Variants in PRKCH observed in about 807,000 individuals in gnomAD.
PRKCH encodes the protein protein kinase C eta type.
PRKCH carries 28 observed loss-of-function variants against 82.5 expected under a neutral mutation model. The observed-to-expected ratio is 0.34, with a 90% CI of 0.25 to 0.47. The LOEUF is 0.47. Ranked by LOEUF, PRKCH falls within the 20% of genes least tolerant of loss-of-function variation. The pLI, the probability that PRKCH is intolerant of heterozygous loss-of-function variation, is 1.00. For missense variants in PRKCH, 705 were observed against 881.8 expected (o/e 0.80, Z 2.54); for synonymous variants, 322 against 327.4 (o/e 0.98, Z 0.18).
At chr14:61,521,590 T>G (rs764511812) in intron 10 of PRKCH, among the ~76,000 whole-genome samples, 7 of 151,844 alleles carry the variant, frequency 4.6e-5, no homozygotes, top group Non-Finnish European at 7.4e-5. Flanking sequence ...TTTTTTAAGA[T>G]AGAGTTTCAC....
intron 12 of PRKCH, among the ~76,000 whole-genome samples, chr14:61,532,711 T>C (rs1462678551): frequency 6.6e-6 from 1 of 152,224 alleles, no homozygotes; most frequent in Non-Finnish European, 1.5e-5. Flanking sequence ...TAAATATGGA[T>C]ATTTTTGGTA....
At chr14:61,197,141 C>T (rs939039452) in intron 1 of PRKCH, among the ~76,000 whole-genome samples, 1 of 152,188 alleles carries the variant, frequency 6.6e-6, no homozygotes, top group Admixed American at 6.5e-5. Flanking sequence ...AGCTTAAGGT[C>T]CCTATACAAA....
At chr14:61,467,898 C>T (rs980630948) in intron 9 of PRKCH, among the ~76,000 whole-genome samples, 5 of 152,158 alleles carry the variant, frequency 3.3e-5, no homozygotes, top group African/African-American at 1.2e-4. Context: ...GAGTATCATC[C>T]TCATTTTAAA....
At chr14:61,453,081 T>G in intron 6 of PRKCH, 145 bp from the exon 7 acceptor site, 9 of 1,002,796 alleles carry the variant, frequency 9.0e-6, no homozygotes, top group Non-Finnish European at 1.3e-5. Flanking sequence ...ATTACTAGTG[T>G]GAGCTTAATT....
intron 2 of PRKCH, among the ~76,000 whole-genome samples, chr14:61,432,576 C>G (rs1280487212): frequency 6.6e-6 from 1 of 152,178 alleles, no homozygotes; most frequent in Non-Finnish European, 1.5e-5. Flanking sequence ...TTCAAGCAGT[C>G]CTCCTGCCTT....
At chr14:61,401,162 C>A (rs1265623330) in intron 2 of PRKCH, among the ~76,000 whole-genome samples, 1 of 152,172 alleles carries the variant, frequency 6.6e-6, no homozygotes, top group Non-Finnish European at 1.5e-5. Flanking sequence ...AGACATCAGG[C>A]ATGGATGGGC....
intron 1 of PRKCH, among the ~76,000 whole-genome samples, chr14:61,238,616 C>T (rs1324832450): frequency 1.3e-5 from 2 of 152,160 alleles, no homozygotes; most frequent in African/African-American, 4.8e-5. Flanking sequence ...CCACCTTGCT[C>T]AGACAAATCC....
At chr14:61,337,103 G>C (rs1340340332) in intron 1 of PRKCH, among the ~76,000 whole-genome samples, 15 of 139,204 alleles carry the variant, frequency 1.1e-4, no homozygotes, top group Non-Finnish European at 4.6e-5. Context: ...TACATCGTTT[G>C]AATATGGATT....
In PRKCH at chr14:61,334,748, T is replaced by C. The variant is rs149554931; in HGVS notation, c.363+12284T>C. On this transcript the variant is annotated intron_variant, in intron 1 of 13. Coordinates refer to ENST00000332981, the MANE Select transcript of PRKCH (RefSeq NM_006255.5). ...ATTAGTTTTTTCTTTTGGAAAATGGTGCTAATGTTTGCTACCTTATAGGCT... is the reference window on the plus strand; with the variant it reads ...ATTAGTTTTTTCTTTTGGAAAATGGCGCTAATGTTTGCTACCTTATAGGCT... Among the ~76,000 whole-genome samples the C allele has an allele frequency of 2.0e-5, 3 of 152,326 alleles. No homozygotes were observed. In the East Asian group the frequency reaches 5.8e-4, roughly 29 times the overall value.
chr14:61,295,971 G>A (rs1224733910), intron 1 of PRKCH, among the ~76,000 whole-genome samples: 2 of 152,036 alleles, frequency 1.3e-5, no homozygotes, highest in Admixed American at 1.3e-4. Flanking sequence ...AACATTTGCA[G>A]TTGTGCCTGA....
intron 1 of PRKCH, among the ~76,000 whole-genome samples, chr14:61,340,647 C>T (rs956729508): frequency 9.2e-5 from 14 of 152,170 alleles, no homozygotes; most frequent in Non-Finnish European, 1.8e-4. Context: ...GCATTTCTCA[C>T]CCGAGGAAAC....
Position 61,280,498 on chromosome 14 carries a change from G to A in PRKCH, c.-19+92830G>A, listed in dbSNP as rs373435282. 65 of 1,612,714 alleles carry A rather than the reference G, an allele frequency of 4.0e-5. No homozygotes were observed. The highest frequency in any genetic ancestry group is 5.2e-5 in the Non-Finnish European group (61 of 1,179,598). ...GGGCGCCGTGCCCTGGAAGGCCAACGCCAGGCTGCCGTTGACCAGCGGCGG... is the reference window on the plus strand; with the variant it reads ...GGGCGCCGTGCCCTGGAAGGCCAACACCAGGCTGCCGTTGACCAGCGGCGG... On this transcript the variant is annotated intron_variant, in intron 1 of 3. Coordinates refer to the PRKCH transcript ENST00000555185. This position sits in a 1 kb window ranked among gnomAD's most constrained non-coding sequence, Gnocchi z 5.0.
At chr14:61,491,235 A>G (rs58949832) in intron 10 of PRKCH, among the ~76,000 whole-genome samples, 3,467 of 152,294 alleles carry the variant, frequency 0.023, 132 homozygotes, top group African/African-American at 0.077. Flanking sequence ...TTAGATAAAG[A>G]TGAAAGTAAA....
chr14:61,248,843 C>T (rs924931058), intron 1 of PRKCH, among the ~76,000 whole-genome samples: 1 of 152,006 alleles, frequency 6.6e-6, no homozygotes, highest in Non-Finnish European at 1.5e-5. Context: ...CACACTGTTG[C>T]CCAGGCTGAG....
intron 4 of PRKCH, among the ~76,000 whole-genome samples, chr14:61,448,210 A>AACATACC (rs1884319297): frequency 1.3e-5 from 2 of 152,296 alleles, no homozygotes; most frequent in East Asian, 3.9e-4. Context: ...GTATGATGCT[A>AACATACC]TTTACTGACA....
At position 61,457,374 on chromosome 14, in the gene PRKCH, G is replaced by T. The variant is rs2296276; in HGVS notation, c.1104+55G>T. 0.043 allele frequency: 68,075 copies of T among 1,574,364 alleles called. 8,611 individuals are homozygous for T. The African/African-American group carries it at 0.48, about 11-fold the overall frequency. Reference sequence around the variant, plus strand: ...AAGTAAGTGTGCTCTGTGTATGGGGGGTGTGTGTGTGTGTGCACGCATGCG... The same window carrying T: ...AAGTAAGTGTGCTCTGTGTATGGGGTGTGTGTGTGTGTGTGCACGCATGCG... On this transcript the variant is annotated intron_variant, in intron 8 of 13. Transcript: ENST00000332981.
At chr14:61,327,945 T>C (rs1265994862) in intron 1 of PRKCH, among the ~76,000 whole-genome samples, 1 of 152,196 alleles carries the variant, frequency 6.6e-6, no homozygotes, top group Non-Finnish European at 1.5e-5. Flanking sequence ...GACATACCAA[T>C]ATGTGCTTGA....
In PRKCH at chr14:61,424,472, T is replaced by A. The variant is rs7154500; in HGVS notation, c.428-18639T>A. ...ATGGAGATGAGGAACTTCTTGGGAATTGGAGTAAAGGTGACTCTTGCTATG... is the reference window on the plus strand; with the variant it reads ...ATGGAGATGAGGAACTTCTTGGGAAATGGAGTAAAGGTGACTCTTGCTATG... On this transcript the variant is annotated intron_variant, in intron 2 of 13. Transcript: ENST00000332981. Among the ~76,000 whole-genome samples, 134 of 152,186 alleles carry A rather than the reference T, an allele frequency of 8.8e-4. 1 individual carries two copies. The South Asian group carries it at 0.026, about 29-fold the overall frequency.
Position 61,199,684 on chromosome 14 carries a change from G to A in PRKCH, c.-19+12016G>A, listed in dbSNP as rs183937072. Among the ~76,000 whole-genome samples, 104 of 152,184 alleles carry A rather than the reference G, an allele frequency of 6.8e-4. 1 individual carries two copies. The highest frequency in any genetic ancestry group is 4.5e-3 in the Admixed American group (69 of 15,276). On this transcript the variant is annotated intron_variant, in intron 1 of 3. Transcript: ENST00000555185. ...TATTAAAATGCCACAGTCAATGTAG[G>A]GGAACTGACACCATTCGCATTGTTG...
Sources: allele counts gnomAD v4.1 joint callset (sites outside exome capture counted in the v4.1 genomes callset), GRCh38; gene constraint gnomAD v4.1.1; non-coding constraint Gnocchi (gnomAD v3.1); transcripts MANE v1.5; gene names NCBI Gene and HGNC (gene_info 2026-07-23, HGNC 2026-07-21).